The following PTPRR variants were observed in gnomAD, a reference collection of about 807,000 sequenced individuals.
PTPRR encodes the protein receptor-type tyrosine-protein phosphatase R.
A neutral mutation model predicts 77.2 loss-of-function variants in PTPRR; 38 were observed. The ratio of observed to expected loss-of-function variants is 0.49; its 90% CI spans 0.38 to 0.65. The LOEUF is 0.65. PTPRR is among the 30% of genes least tolerant of loss of function. The probability of loss-of-function intolerance (pLI) is 0.00; values close to 1 mark genes in which losing one functional copy is unlikely to be tolerated. For synonymous variants in PTPRR, 299 were observed against 283.1 expected, an observed-to-expected ratio of 1.06 and a Z score of -0.57; for missense variants, 744 against 799.2, an observed-to-expected ratio of 0.93 and a Z score of 0.83.
chr12:70,672,148 C>G (rs1592657099), intron 10 of PTPRR: 4 of 1,466,524 alleles, frequency 2.7e-6, no homozygotes, highest in Non-Finnish European at 2.8e-6. Flanking sequence ...AGGCCATCCT[C>G]TCAGTGGCAA....
intron 2 of PTPRR, among the ~76,000 whole-genome samples, chr12:70,824,355 A>G (rs12424310): frequency 6.6e-6 from 1 of 152,178 alleles, no homozygotes; most frequent in Non-Finnish European, 1.5e-5. Context: ...TTTCAATCAG[A>G]GGAATACATA....
intron 2 of PTPRR, among the ~76,000 whole-genome samples, chr12:70,842,582 G>C (rs1488607426): frequency 6.6e-6 from 1 of 152,186 alleles, no homozygotes; most frequent in African/African-American, 2.4e-5. Context: ...TGTTTGACTT[G>C]TGACCATTTC....
chr12:70,684,420 T>C (rs879656309), intron 9 of PTPRR, among the ~76,000 whole-genome samples, 156 bp from the exon 10 acceptor site: 13 of 152,172 alleles, frequency 8.5e-5, no homozygotes, highest in Non-Finnish European at 1.6e-4. Flanking sequence ...CATGGGTATT[T>C]TGGCAGCAAG....
chr12:70,914,534 G>A (rs1893746401), intron 1 of PTPRR, among the ~76,000 whole-genome samples: 1 of 152,194 alleles, frequency 6.6e-6, no homozygotes, highest in African/African-American at 2.4e-5. Flanking sequence ...GTAGCAAAGG[G>A]ATGATCTAGG....
At chr12:70,865,721 G>A (rs1453464986) in intron 2 of PTPRR, among the ~76,000 whole-genome samples, 2 of 152,170 alleles carry the variant, frequency 1.3e-5, no homozygotes, top group East Asian at 1.9e-4. Context: ...TAAGATGTAT[G>A]TTAATGCTTT....
intron 6 of PTPRR, among the ~76,000 whole-genome samples, chr12:70,710,036 G>A (rs1888767369): frequency 6.6e-6 from 1 of 151,990 alleles, no homozygotes; most frequent in Non-Finnish European, 1.5e-5. Flanking sequence ...ACTATTCACA[G>A]AACTAGAAAA....
intron 8 of PTPRR, among the ~76,000 whole-genome samples, chr12:70,694,853 C>T (rs1404250165): frequency 6.6e-6 from 1 of 151,972 alleles, no homozygotes; most frequent in Non-Finnish European, 1.5e-5. Flanking sequence ...TTATTGTGTG[C>T]TAATAATTTT....
chr12:70,652,059 A>G (rs1289897574), intron 13 of PTPRR, among the ~76,000 whole-genome samples: 1 of 152,238 alleles, frequency 6.6e-6, no homozygotes, highest in East Asian at 1.9e-4. Context: ...ATCTCTGGAC[A>G]GATTCAGAGC....
chr12:70,639,012 C>T lies in PTPRR; in HGVS notation c.*172G>A, dbSNP rs965780845. On this transcript the variant is annotated 3_prime_UTR_variant, in exon 14 of 14. Transcript: ENST00000283228. The stretch of plus-strand genomic sequence containing the variant: ...GGATGCTTACAAATGCATTCATATA[C>T]ACAAGGAGCTGGAAATCTTAAATAT... 1.6e-5 allele frequency: 10 copies of T among 631,436 alleles called. No homozygotes were observed. In the African/African-American group the frequency reaches 1.6e-4, roughly 10 times the overall value. 39.1% of individuals were successfully genotyped at this position (631,436 alleles called of 1,614,324 possible). A position where few individuals can be genotyped will look rare whatever the true frequency, so the allele number is the denominator to read the frequency against.
chr12:70,777,511 A>G (rs147072754), intron 2 of PTPRR, among the ~76,000 whole-genome samples: 153 of 152,282 alleles, frequency 1.0e-3, no homozygotes, highest in African/African-American at 3.6e-3. Flanking sequence ...ACCAATTCTC[A>G]TAACCTCCCA....
chr12:70,891,944 A>G (rs546563454), intron 2 of PTPRR, among the ~76,000 whole-genome samples: 2 of 152,152 alleles, frequency 1.3e-5, no homozygotes, highest in East Asian at 1.9e-4. Context: ...TGTAGTTTCA[A>G]TGTGGATCCT....
chr12:70,735,039 A>C (rs919544461), intron 6 of PTPRR, among the ~76,000 whole-genome samples: 1 of 152,042 alleles, frequency 6.6e-6, no homozygotes, highest in African/African-American at 2.4e-5. Context: ...TTTTAGAATA[A>C]AAAACCCTAT....
intron 2 of PTPRR, among the ~76,000 whole-genome samples, chr12:70,856,336 C>G (rs1000387770): frequency 1.1e-4 from 17 of 152,118 alleles, no homozygotes; most frequent in Admixed American, 1.1e-3. Flanking sequence ...GGAAAATCAT[C>G]TAATCTGTCT....
At chr12:70,845,366 T>C (rs1373709491) in intron 2 of PTPRR, among the ~76,000 whole-genome samples, 1 of 152,172 alleles carries the variant, frequency 6.6e-6, no homozygotes, top group Non-Finnish European at 1.5e-5. Context: ...TACTGAACCA[T>C]ACTAGGGATT....
chr12:70,654,513 C>T (rs999918166), intron 13 of PTPRR, among the ~76,000 whole-genome samples: 8 of 152,084 alleles, frequency 5.3e-5, no homozygotes, highest in South Asian at 2.1e-4. Flanking sequence ...CCAGCTTGGG[C>T]AACAGAGCGA....
chr12:70,759,231 C>A (rs1467143458), intron 4 of PTPRR, among the ~76,000 whole-genome samples: 1 of 152,134 alleles, frequency 6.6e-6, no homozygotes, highest in Non-Finnish European at 1.5e-5. Flanking sequence ...CCAACGCGCC[C>A]AGCATGACTA....
intron 12 of PTPRR, 83 bp downstream of exon 12, chr12:70,660,857 G>A: frequency 7.4e-7 from 1 of 1,356,406 alleles, no homozygotes; most frequent in Non-Finnish European, 9.8e-7. Flanking sequence ...TCACATCCAG[G>A]AAGCAAAACC....
At chr12:70,686,859 G>A (rs905071943) in intron 8 of PTPRR, among the ~76,000 whole-genome samples, 6 of 152,042 alleles carry the variant, frequency 3.9e-5, no homozygotes, top group African/African-American at 9.7e-5. Flanking sequence ...CCCAATTCCC[G>A]GCACACAGAA....
rs1191955498 is a variant in PTPRR, at chr12:70,650,377, A to G, written c.1880+6327T>C. 3.3e-5 allele frequency among the ~76,000 whole-genome samples: 5 copies of G among 152,220 alleles called. No individual in the cohort carries two copies. In the East Asian group the frequency reaches 9.7e-4, roughly 29 times the overall value. Reference sequence around the variant, plus strand: ...AGGAGGTGGAGGTTGCAGTGGGCCCAGATAATGCTACTGCACTCCAGCCTG... The same window carrying G: ...AGGAGGTGGAGGTTGCAGTGGGCCCGGATAATGCTACTGCACTCCAGCCTG... On this transcript the variant is annotated intron_variant, in intron 13 of 13. Transcript: ENST00000283228.
Sources: allele counts gnomAD v4.1 joint callset (sites outside exome capture counted in the v4.1 genomes callset), GRCh38; gene constraint gnomAD v4.1.1; transcripts MANE v1.5; gene names NCBI Gene and HGNC (gene_info 2026-07-23, HGNC 2026-07-21).